Variants in SGCD observed in about 807,000 individuals in gnomAD.
The protein encoded by SGCD is sarcoglycan delta.
SGCD carries 18 observed loss-of-function variants against 36.6 expected under a neutral mutation model. That is an observed-to-expected ratio of 0.49 (90% CI 0.34 to 0.73). The LOEUF (loss-of-function observed/expected upper bound fraction) is 0.73. Ranked by LOEUF, SGCD falls within the 30% of genes least tolerant of loss-of-function variation. The pLI, the probability that SGCD is intolerant of heterozygous loss-of-function variation, is 0.01. For synonymous variants in SGCD, 133 were observed against 130.6 expected (o/e 1.02, Z -0.12); for missense variants, 387 against 346.7 (o/e 1.12, Z -0.92).
intron 6 of SGCD, among the ~76,000 whole-genome samples, chr5:156,645,279 T>A (rs561408187): frequency 6.6e-6 from 1 of 152,236 alleles, no homozygotes; most frequent in East Asian, 1.9e-4. Context: ...ATAATAAAAT[T>A]GAGAATAATT....
At chr5:156,677,685 A>G (rs576925209) in intron 7 of SGCD, among the ~76,000 whole-genome samples, 2 of 152,130 alleles carry the variant, frequency 1.3e-5, no homozygotes, top group Non-Finnish European at 2.9e-5. Flanking sequence ...CTTAAAGTAT[A>G]TAGATAAAAA....
At chr5:156,222,283 A>G (rs772751361) in intron 3 of SGCD, among the ~76,000 whole-genome samples, 1 of 152,126 alleles carries the variant, frequency 6.6e-6, no homozygotes, top group Non-Finnish European at 1.5e-5. Flanking sequence ...CTCACATTCC[A>G]CATTTTAAGT....
At chr5:156,321,657 A>C (rs1339569712) in intron 3 of SGCD, among the ~76,000 whole-genome samples, 1 of 152,132 alleles carries the variant, frequency 6.6e-6, no homozygotes, top group Non-Finnish European at 1.5e-5. Flanking sequence ...CAACATGAGG[A>C]CACCATTCTC....
At chr5:156,463,365 G>A (rs1019748609) in intron 3 of SGCD, among the ~76,000 whole-genome samples, 1 of 152,022 alleles carries the variant, frequency 6.6e-6, no homozygotes, top group Admixed American at 6.6e-5. Context: ...TTAAAAAGGT[G>A]TTGACTTTTC....
At chr5:155,891,352 C>T (rs751744560) in intron 1 of SGCD, among the ~76,000 whole-genome samples, 5 of 152,046 alleles carry the variant, frequency 3.3e-5, no homozygotes, top group Non-Finnish European at 7.4e-5. Flanking sequence ...GCTGAGTGGT[C>T]TTGAGCAGTA....
chr5:155,815,354 G>A, the SGCD span, among the ~76,000 whole-genome samples: 4 of 152,094 alleles, frequency 2.6e-5, no homozygotes, highest in Admixed American at 1.3e-4. Context: ...GATCTCTGTG[G>A]AATATTGGTC....
Position 156,727,103 on chromosome 5 carries a change from G to C in SGCD, c.576-30478G>C, listed in dbSNP as rs544582457. ...CACTGCACCTGCGGTTTTGCAGCCA[G>C]GGAGAGAAATTGGGCTCAACTCTAA... On this transcript the variant is annotated intron_variant, in intron 7 of 8. Coordinates refer to ENST00000337851, the MANE Select transcript of SGCD (RefSeq NM_000337.6). 6.6e-5 allele frequency among the ~76,000 whole-genome samples: 10 copies of C among 152,302 alleles called. No individual in the cohort carries two copies. The East Asian group carries it at 1.5e-3, about 24-fold the overall frequency.
intron 1 of SGCD, among the ~76,000 whole-genome samples, chr5:156,073,259 C>T (rs750478683): frequency 4.6e-5 from 7 of 152,126 alleles, no homozygotes; most frequent in Non-Finnish European, 8.8e-5. Flanking sequence ...GATTTCCCCT[C>T]TATTATATCA....
intron 3 of SGCD, among the ~76,000 whole-genome samples, chr5:156,307,879 TC>T (rs900508801): frequency 2.8e-4 from 43 of 152,250 alleles, no homozygotes; most frequent in African/African-American, 1.0e-3. Context: ...AAACTGATAA[TC>T]TTTTAATGCG....
chr5:155,870,007 C>A (rs576876397), upstream of SGCD, among the ~76,000 whole-genome samples: 9 of 152,024 alleles, frequency 5.9e-5, no homozygotes, highest in Non-Finnish European at 1.0e-4. Flanking sequence ...TCAACAACAA[C>A]AACAACAACA....
intron 4 of SGCD, among the ~76,000 whole-genome samples, chr5:156,588,302 G>A (rs1370621481): frequency 6.6e-6 from 1 of 151,912 alleles, no homozygotes; most frequent in South Asian, 2.1e-4. Context: ...AATATCTCAT[G>A]TCATATTCAG....
intron 7 of SGCD, among the ~76,000 whole-genome samples, chr5:156,748,143 A>C (rs1003893644): frequency 2.6e-5 from 4 of 152,222 alleles, no homozygotes; most frequent in African/African-American, 9.6e-5. Flanking sequence ...TATTATTCTC[A>C]TTATATGAAG....
chr5:156,312,315 T>C (rs1248023120), intron 3 of SGCD, among the ~76,000 whole-genome samples: 2 of 152,254 alleles, frequency 1.3e-5, no homozygotes, highest in Non-Finnish European at 2.9e-5. Flanking sequence ...TCTACCATAC[T>C]GACATTTATT....
chr5:156,656,478 T>C (rs981504371), intron 7 of SGCD, among the ~76,000 whole-genome samples: 4 of 152,100 alleles, frequency 2.6e-5, no homozygotes, highest in Admixed American at 6.6e-5. Context: ...AAATAGGTCT[T>C]ATAATTCAAA....
chr5:156,308,300 CTT>C (rs3043456), intron 3 of SGCD, among the ~76,000 whole-genome samples: 3,938 of 141,270 alleles, frequency 0.028, 156 homozygotes, highest in African/African-American at 0.089. Context: ...AAGTGCCATA[CTT>C]TTTTTTTTTT....
chr5:156,485,915 C>A (rs1427831345), intron 3 of SGCD, among the ~76,000 whole-genome samples: 1 of 152,098 alleles, frequency 6.6e-6, no homozygotes, highest in Non-Finnish European at 1.5e-5. Flanking sequence ...CCCAGCAGTT[C>A]ATGTTCCCAC....
At chr5:156,070,459 A>C (rs976244387) in intron 1 of SGCD, among the ~76,000 whole-genome samples, 8 of 150,420 alleles carry the variant, frequency 5.3e-5, no homozygotes, top group East Asian at 3.9e-4. Flanking sequence ...ATTGAACCAG[A>C]CTTGCATCCC....
At chr5:156,262,938 T>C (rs1765904431) in intron 3 of SGCD, among the ~76,000 whole-genome samples, 1 of 151,940 alleles carries the variant, frequency 6.6e-6, no homozygotes, top group South Asian at 2.1e-4. Flanking sequence ...CATATATATA[T>C]ATACACACAC....
At chr5:156,301,934 C>T (rs918677522) in intron 3 of SGCD, among the ~76,000 whole-genome samples, 13 of 151,592 alleles carry the variant, frequency 8.6e-5, no homozygotes, top group African/African-American at 2.2e-4. Flanking sequence ...TTTTTGGAAT[C>T]GTTTCTTAAT....
Sources: allele counts gnomAD v4.1 joint callset (sites outside exome capture counted in the v4.1 genomes callset), GRCh38; gene constraint gnomAD v4.1.1; transcripts MANE v1.5; gene names NCBI Gene and HGNC (gene_info 2026-07-23, HGNC 2026-07-21).